ZNF157: variants seen among roughly 807,000 people sequenced by gnomAD.
ZNF157 encodes the protein zinc finger protein 157.
ZNF157 carries 8 observed loss-of-function variants against 9.4 expected under a neutral mutation model. That is an observed-to-expected ratio of 0.85 (90% CI 0.50 to 1.53). The LOEUF (loss-of-function observed/expected upper bound fraction) is 1.53. Among genes scored for constraint, ZNF157 ranks in the 40% most tolerant of loss-of-function variants. The pLI is 0.00. For missense variants in ZNF157, 316 were observed against 385.2 expected, an observed-to-expected ratio of 0.82 and a Z score of 1.50; for synonymous variants, 120 against 130.8, an observed-to-expected ratio of 0.92 and a Z score of 0.56.
intron 1 of ZNF157, among the ~76,000 whole-genome samples, chrX:47,397,425 A>AT (rs750314631): frequency 4.1e-5 from 4 of 97,597 alleles, no homozygotes; most frequent in Admixed American, 1.1e-4. Context: ...TTATTTTTTT[A>AT]TTTTTTTTGA....
At chrX:47,388,002 T>C (rs1194584176) in intron 1 of ZNF157, among the ~76,000 whole-genome samples, 1 of 110,405 alleles carries the variant, frequency 9.1e-6, no homozygotes, top group Non-Finnish European at 1.9e-5. Flanking sequence ...TATTATTTTC[T>C]TAGAGAATTA....
At chrX:47,389,782 T>C (rs780670830) in intron 1 of ZNF157, among the ~76,000 whole-genome samples, 1 of 111,494 alleles carries the variant, frequency 9.0e-6, no homozygotes, top group African/African-American at 3.3e-5. Context: ...ATGCCTGTAG[T>C]ACCAGCTACT....
At chrX:47,377,678 C>T (rs747787684) in intron 1 of ZNF157, among the ~76,000 whole-genome samples, 10 of 107,389 alleles carry the variant, frequency 9.3e-5, no homozygotes, top group East Asian at 5.9e-4. Context: ...ATGATCCTCC[C>T]GCCTCAGCCT....
chrX:47,375,824 G>T (rs1463102414), intron 1 of ZNF157, among the ~76,000 whole-genome samples: 1 of 110,702 alleles, frequency 9.0e-6, no homozygotes, highest in Non-Finnish European at 1.9e-5. Context: ...CTCCTGGGTA[G>T]TTAGGACCAC....
chrX:47,378,003 G>A (rs2055850168), intron 1 of ZNF157, among the ~76,000 whole-genome samples: 1 of 111,095 alleles, frequency 9.0e-6, no homozygotes, highest in Non-Finnish European at 1.9e-5. Flanking sequence ...TGCCTAGACA[G>A]AGCTGATATT....
intron 1 of ZNF157, among the ~76,000 whole-genome samples, chrX:47,376,559 T>C (rs913350831): frequency 4.5e-5 from 5 of 111,067 alleles, no homozygotes; most frequent in African/African-American, 1.3e-4. Flanking sequence ...GAGGTTGAAG[T>C]GAGCCACGAT....
At chrX:47,409,836 G>T (rs370977563) in intron 1 of ZNF157, among the ~76,000 whole-genome samples, 1 of 106,372 alleles carries the variant, frequency 9.4e-6, no homozygotes, top group African/African-American at 3.4e-5. Flanking sequence ...TAGAGATGGG[G>T]TTCACCCCAT....
In ZNF157 at chrX:47,410,409, A is replaced by T; in HGVS notation, c.199+7A>T. Reference sequence around the variant, plus strand: ...AGCAACCTGGCATCTGTGGGTGAGGATGATTGTCCGTGTAACTCCTGAGAG... The same window carrying T: ...AGCAACCTGGCATCTGTGGGTGAGGTTGATTGTCCGTGTAACTCCTGAGAG... On this transcript the variant is annotated splice_region_variant and intron_variant, in intron 2 of 3. Coordinates refer to ENST00000377073, the MANE Select transcript of ZNF157 (RefSeq NM_003446.4). 8.3e-7 allele frequency: 1 copy of T among 1,209,969 alleles called. No homozygotes were observed.
intron 1 of ZNF157, among the ~76,000 whole-genome samples, chrX:47,383,474 T>C (rs1442031463): frequency 9.9e-6 from 1 of 101,212 alleles, no homozygotes; most frequent in Non-Finnish European, 2.0e-5. Flanking sequence ...GACAGGTGGA[T>C]CGTTTGAGCC....
intron 1 of ZNF157, among the ~76,000 whole-genome samples, chrX:47,378,406 A>G (rs1288194037): frequency 2.7e-5 from 3 of 112,115 alleles, no homozygotes; most frequent in Non-Finnish European, 5.6e-5. Flanking sequence ...TGTAGTCTCT[A>G]GTTGCATGAC....
intron 1 of ZNF157, among the ~76,000 whole-genome samples, chrX:47,405,373 G>C (rs184441460): frequency 2.8e-5 from 3 of 108,057 alleles, no homozygotes; most frequent in Non-Finnish European, 5.8e-5. Context: ...TCAGCAACAA[G>C]AGCAAAACTC....
intron 1 of ZNF157, among the ~76,000 whole-genome samples, chrX:47,401,495 A>G (rs1013027024): frequency 8.9e-6 from 1 of 112,218 alleles, no homozygotes; most frequent in African/African-American, 3.2e-5. Context: ...CAGATGTGGA[A>G]CATGCATCCT....
rs192941607 is a variant in ZNF157, at chrX:47,389,476, G to A, written c.72+18736G>A. On this transcript the variant is annotated intron_variant, in intron 1 of 3. Coordinates refer to ENST00000377073, the MANE Select transcript of ZNF157 (RefSeq NM_003446.4). ...GCAGATCTTCCCACCTCAGCCTCTC[G>A]ACTAGCTGAGACTACAGGCGCACGT... 1.8e-3 allele frequency among the ~76,000 whole-genome samples: 195 copies of A among 110,647 alleles called. 1 individual carries two copies. Among genetic ancestry groups the A allele is most frequent in the African/African-American group, 6.1e-3 (187 of 30,550 alleles).
intron 1 of ZNF157, among the ~76,000 whole-genome samples, chrX:47,410,003 G>GT (rs1163653616): frequency 1.8e-5 from 2 of 111,501 alleles, no homozygotes; most frequent in Non-Finnish European, 3.8e-5. Flanking sequence ...CATAGTGTTT[G>GT]TTTTTTCATT....
intron 1 of ZNF157, among the ~76,000 whole-genome samples, chrX:47,386,587 G>A (rs1274608858): frequency 9.1e-6 from 1 of 110,303 alleles, no homozygotes; most frequent in Non-Finnish European, 1.9e-5. Context: ...AGCCTCCCAA[G>A]TAGCTGGGAC....
intron 1 of ZNF157, 67 bp downstream of exon 1, chrX:47,370,807 A>G: frequency 1.1e-6 from 1 of 942,591 alleles, no homozygotes; most frequent in Non-Finnish European, 1.4e-6. Context: ...AGTTAAATTT[A>G]TATTTTGAGA....
At position 47,412,923 on chromosome X, in the gene ZNF157, C is replaced by T. The variant is rs150024660; in HGVS notation, c.850C>T (p.Arg284Cys). ...ATGTAGTGAATGTGGGAAAACATTT[C>T]GTGTAAAGATATCCCTTACCCAACA... ...YECSECGKTFRVKISLTQHHR... is the reference protein window; with the variant it reads ...YECSECGKTFCVKISLTQHHR... The change falls in exon 4 of 4, where the codon CGT (arginine) becomes TGT (cysteine). Residue 284 changes from arginine to cysteine, a missense_variant. Transcript: ENST00000377073. 7.4e-6 allele frequency: 9 copies of T among 1,208,992 alleles called. No individual in the cohort carries two copies. The highest frequency in any genetic ancestry group is 3.5e-5 in the South Asian group (2 of 56,701).
chrX:47,394,550 G>A (rs1374534504), intron 1 of ZNF157, among the ~76,000 whole-genome samples: 1 of 111,598 alleles, frequency 9.0e-6, no homozygotes, highest in African/African-American at 3.2e-5. Flanking sequence ...AATAAATACC[G>A]AAGTATTTGT....
chrX:47,405,412 G>T (rs1239299402), intron 1 of ZNF157, among the ~76,000 whole-genome samples: 1 of 109,137 alleles, frequency 9.2e-6, no homozygotes. Flanking sequence ...ATGAACAAGG[G>T]GGAAATCCAC....
Sources: gnomAD v4.1 joint callset for allele counts (sites outside exome capture counted in the v4.1 genomes callset) on GRCh38, gnomAD v4.1.1 for gene constraint, MANE v1.5 for transcripts, NCBI Gene and HGNC (gene_info 2026-07-23, HGNC 2026-07-21) for gene names.